MAG: variants seen among roughly 807,000 people sequenced by gnomAD.
MAG encodes myelin-associated glycoprotein.
In MAG, 30 loss-of-function variants were observed where a neutral mutation model predicts 60.7. The observed-to-expected ratio is 0.49, with a 90% CI of 0.37 to 0.67. The LOEUF is 0.67. Ranked by LOEUF, MAG falls within the 30% of genes least tolerant of loss-of-function variation. The probability of loss-of-function intolerance (pLI) is 0.00; values close to 1 mark genes in which losing one functional copy is unlikely to be tolerated. For synonymous variants in MAG, 384 were observed against 376.8 expected, an observed-to-expected ratio of 1.02 and a Z score of -0.22; for missense variants, 795 against 851.7, an observed-to-expected ratio of 0.93 and a Z score of 0.83.
rs142825621 is a variant in MAG at position 35,313,409 on chromosome 19, G to A, written c.1836G>A (p.Thr612=). 1,739 of 1,613,816 alleles carry A rather than the reference G, an allele frequency of 1.1e-3. 3 individuals are homozygous for A. Among genetic ancestry groups the A allele is most frequent in the Non-Finnish European group, 1.4e-3 (1,594 of 1,179,870 alleles). The change falls in exon 11 of 11, where the codon ACG becomes ACA. Residue 612 remains threonine, a synonymous_variant. Transcript: ENST00000392213. ...AACGGCCCACCAAGGACAGCTACAC[G>A]CTGACGGAGGAGCTAGCTGAGTATG... ...LGKRPTKDSY[T]LTEELAEYAE...
At chr19:35,298,086 A>G (rs1336804939) in intron 4 of MAG, among the ~76,000 whole-genome samples, 2 of 149,240 alleles carry the variant, frequency 1.3e-5, no homozygotes, top group East Asian at 4.0e-4. Flanking sequence ...CACACACTAC[A>G]CACACCACAC....
chr19:35,311,879 G>C (rs2066529726), intron 9 of MAG, 39 bp from the exon 10 acceptor site: 1 of 1,439,664 alleles, frequency 6.9e-7, no homozygotes. Flanking sequence ...GGTGCAGAAA[G>C]GGAGGGCAGA....
intron 10 of MAG, chr19:35,312,505 C>G: frequency 2.7e-6 from 1 of 365,248 alleles, no homozygotes; most frequent in Non-Finnish European, 5.3e-6. Context: ...CTGTGGCCAC[C>G]GTCCTGTGTG....
chr19:35,313,380 G>A lies in MAG; in HGVS notation c.1807G>A (p.Gly603Arg). Residue 603 changes from glycine to arginine, a missense_variant, in exon 11 of 11, where the codon GGG becomes AGG. Physicochemically the swap from Gly to Arg is moderately radical, Grantham distance 125 (BLOSUM62 -2). Transcript: ENST00000392213. The part of the protein sequence containing the change: ...LDLSYSHSDL[G>R]KRPTKDSYTL... ...CCTGAGCTATTCTCACTCGGACCTG[G>A]GGAAACGGCCCACCAAGGACAGCTA... The A allele has an allele frequency of 6.2e-7, 1 of 1,614,104 alleles. No homozygotes were observed. Among genetic ancestry groups the A allele is most frequent in the Non-Finnish European group, 8.5e-7 (1 of 1,179,982 alleles).
Position 35,313,142 on chromosome 19 carries a change from G to A in MAG, c.1717-148G>A, listed in dbSNP as rs1228040265. ...GTGGGACCTGGTGACCGCAGGGCTC[G>A]CTGGGCCTGCGGTCCTTGAGAAAGG... On this transcript the variant is annotated intron_variant, in intron 10 of 10. Transcript: ENST00000392213. 18 of 732,060 alleles carry A rather than the reference G, an allele frequency of 2.5e-5. 1 individual carries two copies. In the South Asian group the frequency reaches 3.7e-4, roughly 15 times the overall value. 45.3% of individuals were successfully genotyped at this position (732,060 alleles called of 1,614,324 possible).
At position 35,295,331 on chromosome 19, in the gene MAG, T is replaced by TG. The variant is rs1267922780; in HGVS notation, c.-23-53dup. On this transcript the variant is annotated intron_variant, in intron 2 of 10. Coordinates refer to ENST00000392213, the MANE Select transcript of MAG (RefSeq NM_002361.4). The surrounding 1 kb of genome is among the most constrained non-coding windows in gnomAD (Gnocchi z 5.8). ...AATGGGCCCCTTCCTGAAGCCCAGATGGAACACCCCCTTTCACTTCCCCCA... is the reference window on the plus strand; with the variant it reads ...AATGGGCCCCTTCCTGAAGCCCAGATGGGAACACCCCCTTTCACTTCCCCCA... The TG allele has an allele frequency of 6.1e-6, 9 of 1,482,538 alleles. No homozygotes were observed. The highest frequency in any genetic ancestry group is 8.4e-6 in the Non-Finnish European group (9 of 1,072,060). 91.8% of individuals were successfully genotyped at this position (1,482,538 alleles called of 1,614,324 possible).
At chr19:35,297,087 T>C (rs1245911354) in intron 4 of MAG, among the ~76,000 whole-genome samples, 1 of 146,702 alleles carries the variant, frequency 6.8e-6, no homozygotes, top group Non-Finnish European at 1.5e-5. Context: ...TGTCTGGCCA[T>C]AGCTGTATTC....
At chr19:35,310,436 G>GCCC in intron 8 of MAG, 111 bp from the exon 9 acceptor site, 2 of 986,812 alleles carry the variant, frequency 2.0e-6, no homozygotes, top group Non-Finnish European at 1.6e-6. Flanking sequence ...GTGCAAGGAT[G>GCCC]CCCCGGCTGT....
chr19:35,302,551 C>T lies in MAG; in HGVS notation c.1074C>T (p.Thr358=). The T allele has an allele frequency of 6.2e-7, 1 of 1,614,236 alleles. No homozygotes were observed. Among genetic ancestry groups the T allele is most frequent in the Non-Finnish European group, 8.5e-7 (1 of 1,180,054 alleles). Residue 358 remains threonine, a synonymous_variant, in exon 7 of 11, where the codon ACC becomes ACT. Transcript: ENST00000392213. ...AGAGCAACCCGGACCCTATTCTCACCATCTTCAAGGAGAAGCAGATCCTGT... is the reference window on the plus strand; with the variant it reads ...AGAGCAACCCGGACCCTATTCTCACTATCTTCAAGGAGAAGCAGATCCTGT... ...STQSNPDPIL[T]IFKEKQILST... is the part of the protein sequence containing the mutation.
In MAG at chr19:35,309,959, G is replaced by A. The variant is rs773318133; in HGVS notation, c.1317G>A (p.Glu439=). 1.2e-5 allele frequency: 19 copies of A among 1,613,934 alleles called. No homozygotes were observed. The Admixed American group carries it at 2.2e-4, about 18-fold the overall frequency. The part of the protein sequence containing the change: ...QCLCVVKSNP[E]PSVAFELPSR... ...TGTGCGTGGTGAAGTCCAACCCGGA[G>A]CCGTCCGTGGCCTTTGAGCTGCCAT... The change falls in exon 8 of 11, where the codon GAG becomes GAA. Residue 439 remains glutamate, a synonymous_variant. Coordinates refer to ENST00000392213, the MANE Select transcript of MAG (RefSeq NM_002361.4).
rs780071924 is a variant in MAG, at chr19:35,300,135, C to T, written c.713-12C>T. The T allele has an allele frequency of 2.6e-6, 4 of 1,518,764 alleles. No individual in the cohort carries two copies. The South Asian group carries it at 5.1e-5, about 19-fold the overall frequency. 94.1% of individuals were successfully genotyped at this position (1,518,764 alleles called of 1,614,324 possible). ...CACCTGCTCACTAACCTCGCTGTGT[C>T]GCGGGCCTTAGACCCCCCGGTGATT... On this transcript the variant is annotated splice_polypyrimidine_tract_variant and intron_variant, in intron 5 of 10. Transcript: ENST00000392213.
intron 4 of MAG, 35 bp downstream of exon 4, chr19:35,296,016 TGG>T: frequency 1.3e-6 from 2 of 1,528,638 alleles, no homozygotes; most frequent in Non-Finnish European, 8.8e-7. Flanking sequence ...CACCGGGAGC[TGG>T]GGCAGCGGGG....
rs765547514 is a variant in MAG, at chr19:35,313,346, A to G, written c.1773A>G (p.Pro591=). Reference sequence around the variant, plus strand: ...TGCTGGGCCTTCGGGGTGAGCCCCCAGAGCTGGACCTGAGCTATTCTCACT... The same window carrying G: ...TGCTGGGCCTTCGGGGTGAGCCCCCGGAGCTGGACCTGAGCTATTCTCACT... ...RRLLGLRGEP[P]ELDLSYSHSD... Residue 591 remains proline (P), a synonymous_variant, in exon 11 of 11, where the codon CCA becomes CCG. Transcript: ENST00000392213. 9 of 1,614,156 alleles carry G rather than the reference A, an allele frequency of 5.6e-6. No homozygotes were observed. The highest frequency in any genetic ancestry group is 1.7e-5 in the Admixed American group (1 of 60,020).
At chr19:35,305,420 G>T (rs1263291881) in intron 7 of MAG, among the ~76,000 whole-genome samples, 1 of 152,176 alleles carries the variant, frequency 6.6e-6, no homozygotes, top group Non-Finnish European at 1.5e-5. Context: ...TACGTTGTAC[G>T]CATTGACCTA....
chr19:35,299,877 GT>G, intron 5 of MAG, 27 bp downstream of exon 5: 2 of 1,074,932 alleles, frequency 1.9e-6, no homozygotes, highest in Non-Finnish European at 2.5e-6. Context: ...GCGGGGCGGG[GT>G]GGGGCGGGGT....
chr19:35,296,963 A>G (rs763491571), intron 4 of MAG, among the ~76,000 whole-genome samples: 2 of 148,998 alleles, frequency 1.3e-5, no homozygotes, highest in Non-Finnish European at 3.0e-5. Flanking sequence ...CACACACTGC[A>G]TACACTACAC....
At position 35,309,966 on chromosome 19, in the gene MAG, G is replaced by C; in HGVS notation, c.1324G>C (p.Val442Leu). The stretch of plus-strand genomic sequence containing the variant: ...GGTGAAGTCCAACCCGGAGCCGTCC[G>C]TGGCCTTTGAGCTGCCATCGCGCAA... ...CVVKSNPEPS[V>L]AFELPSRNVT... The change falls in exon 8 of 11, where the codon GTG becomes CTG. Residue 442 changes from valine to leucine, a missense_variant. Physicochemically the swap from Val to Leu is conservative, Grantham distance 32 (BLOSUM62 1). Transcript: ENST00000392213. 6.2e-7 allele frequency: 1 copy of C among 1,614,016 alleles called. No individual in the cohort carries two copies. The highest frequency in any genetic ancestry group is 8.5e-7 in the Non-Finnish European group (1 of 1,179,936).
At chr19:35,313,141 C>A in intron 10 of MAG, 149 bp from the exon 11 acceptor site, 1 of 718,584 alleles carries the variant, frequency 1.4e-6, no homozygotes, top group Non-Finnish European at 2.1e-6. Flanking sequence ...CCGCAGGGCT[C>A]GCTGGGCCTG....
chr19:35,302,638 T>C lies in MAG; in HGVS notation c.1161T>C (p.Asp387=), dbSNP rs768935955. The change falls in exon 7 of 11, where the codon GAT becomes GAC. Residue 387 remains aspartate, a synonymous_variant. Coordinates refer to ENST00000392213, the MANE Select transcript of MAG (RefSeq NM_002361.4). The part of the protein sequence containing the change: ...LELPAVSPED[D]GEYWCVAENQ... The stretch of plus-strand genomic sequence containing the variant: ...TGCCGGCCGTGTCACCCGAGGATGA[T>C]GGAGAGTACTGGTGTGTGGCTGAGA... 4.3e-6 allele frequency: 7 copies of C among 1,613,990 alleles called. No individual in the cohort carries two copies. In the South Asian group the frequency reaches 4.4e-5, roughly 10 times the overall value.
Sources: allele counts gnomAD v4.1 joint callset (sites outside exome capture counted in the v4.1 genomes callset), GRCh38; gene constraint gnomAD v4.1.1; non-coding constraint Gnocchi (gnomAD v3.1); transcripts MANE v1.5; gene names NCBI Gene and HGNC (gene_info 2026-07-23, HGNC 2026-07-21).